Variants in RAB35 observed in about 807,000 individuals in gnomAD.
RAB35 encodes ras-related protein Rab-35.
A neutral mutation model predicts 28.9 loss-of-function variants in RAB35; 4 were observed. That is an observed-to-expected ratio of 0.14 (90% CI 0.07 to 0.32). The LOEUF is 0.32. Ranked by LOEUF, RAB35 falls within the 10% of genes least tolerant of loss-of-function variation. The pLI is 1.00. For synonymous variants in RAB35, 99 were observed against 105.1 expected (o/e 0.94, Z 0.35); for missense variants, 128 against 274.0 (o/e 0.47, Z 3.76).
At chr12:120,101,212 T>C (rs1040282737) in intron 3 of RAB35, among the ~76,000 whole-genome samples, 1 of 152,194 alleles carries the variant, frequency 6.6e-6, no homozygotes, top group Non-Finnish European at 1.5e-5. Flanking sequence ...GGCACAGAGC[T>C]GGGGGCTTGG....
At position 120,103,971 on chromosome 12, in the gene RAB35, C is replaced by T. The variant is rs376309762; in HGVS notation, c.104-22G>A. 6.2e-6 allele frequency: 10 copies of T among 1,612,466 alleles called. No individual in the cohort carries two copies. Among genetic ancestry groups the T allele is most frequent in the African/African-American group, 2.7e-5 (2 of 74,892 alleles). ...CTGCCTGCACACACAGGGCAGTTAA[C>T]GAGGCCCAGCGCGGTATCTTCCCAG... On this transcript the variant is annotated intron_variant, in intron 2 of 5. Transcript: ENST00000229340. The surrounding 1 kb of genome is among the most constrained non-coding windows in gnomAD (Gnocchi z 6.1).
At chr12:120,112,491 C>T (rs903191174) in intron 1 of RAB35, among the ~76,000 whole-genome samples, 1 of 151,610 alleles carries the variant, frequency 6.6e-6, no homozygotes, top group Non-Finnish European at 1.5e-5. Context: ...AGTGCAGCAG[C>T]GTGATCATAG....
chr12:120,101,564 G>C (rs1875658968), intron 3 of RAB35, among the ~76,000 whole-genome samples: 1 of 152,204 alleles, frequency 6.6e-6, no homozygotes, highest in Non-Finnish European at 1.5e-5. Context: ...CATCCTGACT[G>C]CCCTATTCCT....
intron 1 of RAB35, among the ~76,000 whole-genome samples, chr12:120,116,178 C>T (rs898153990): frequency 3.3e-5 from 5 of 152,206 alleles, no homozygotes; most frequent in African/African-American, 1.2e-4. Context: ...ACTTTTCCTA[C>T]TTTATCCCAT....
At chr12:120,113,585 G>A (rs1279074603) in intron 1 of RAB35, among the ~76,000 whole-genome samples, 4 of 152,172 alleles carry the variant, frequency 2.6e-5, no homozygotes, top group Non-Finnish European at 2.9e-5. Context: ...TTGGGAGGCC[G>A]AGGCGGGCGG....
intron 5 of RAB35, among the ~76,000 whole-genome samples, chr12:120,097,879 CTTTTTT>C (rs1043936271): frequency 7.8e-6 from 1 of 127,714 alleles, no homozygotes; most frequent in Non-Finnish European, 1.7e-5. Context: ...CAGCTGGAAT[CTTTTTT>C]TTTTTTTTTT....
chr12:120,115,818 T>C (rs1257808161), intron 1 of RAB35, among the ~76,000 whole-genome samples: 1 of 152,148 alleles, frequency 6.6e-6, no homozygotes, highest in African/African-American at 2.4e-5. Flanking sequence ...TATAGTAGTG[T>C]AACAGCAAAC....
chr12:120,096,904 G>A lies in RAB35; in HGVS notation c.*341C>T, dbSNP rs778888902. On this transcript the variant is annotated 3_prime_UTR_variant, in exon 6 of 6. Transcript: ENST00000229340. ...TGTTGCAGCAGGCTGGCATCAAGAA[G>A]GCAAAAGCCAGAGCAGGACGTGGTG... 7.5e-7 allele frequency: 1 copy of A among 1,326,046 alleles called. No homozygotes were observed. Among genetic ancestry groups the A allele is most frequent in the South Asian group, 1.2e-5 (1 of 81,338 alleles). The allele number at this position is 1,326,046 out of a possible 1,614,324, so 82.1% of individuals were successfully genotyped here.
rs186837728 is a variant in RAB35, at chr12:120,116,387, G to C, written c.52+212C>G. On this transcript the variant is annotated intron_variant, in intron 1 of 5. Transcript: ENST00000229340. ...GAGGCAGGAACAGGCGCGATGACTG[G>C]ACCCGGCGCGCTTGGCCCCTCCGCC... Among the ~76,000 whole-genome samples, 61 of 152,138 alleles carry C rather than the reference G, an allele frequency of 4.0e-4. 1 individual carries two copies. The East Asian group carries it at 0.011, about 28-fold the overall frequency.
chr12:120,096,701 G>T lies in RAB35; in HGVS notation c.*544C>A, dbSNP rs757208967. On this transcript the variant is annotated 3_prime_UTR_variant, in exon 6 of 6. Coordinates refer to ENST00000229340, the MANE Select transcript of RAB35 (RefSeq NM_006861.7). ...GGGAAGGGAGCTGGCACAGGCCCCG[G>T]AGAAGGGGCAAGACCCTGTGCAGCG... is the stretch of plus-strand genomic sequence containing the variant. 7.8e-7 allele frequency: 1 copy of T among 1,289,894 alleles called. No individual in the cohort carries two copies. Among genetic ancestry groups the T allele is most frequent in the South Asian group, 1.2e-5 (1 of 81,030 alleles). 79.9% of individuals were successfully genotyped at this position (1,289,894 alleles called of 1,614,324 possible). A position where few individuals can be genotyped will look rare whatever the true frequency, so the allele number is the denominator to read the frequency against.
chr12:120,116,017 C>T (rs1212108767), intron 1 of RAB35, among the ~76,000 whole-genome samples: 2 of 152,182 alleles, frequency 1.3e-5, no homozygotes, highest in Non-Finnish European at 2.9e-5. Context: ...TCCGACTTAC[C>T]TCATTTAAAC....
chr12:120,097,095 A>C lies in RAB35; in HGVS notation c.*150T>G. ...TCTTGGCACTCGAGGAGGGCGGGGG[A>C]GGAAGTGCCGATGGCACCTCCCGAT... On this transcript the variant is annotated 3_prime_UTR_variant, in exon 6 of 6. Coordinates refer to ENST00000229340, the MANE Select transcript of RAB35 (RefSeq NM_006861.7). 6.3e-7 allele frequency: 1 copy of C among 1,575,562 alleles called. No individual in the cohort carries two copies. The highest frequency in any genetic ancestry group is 8.6e-7 in the Non-Finnish European group (1 of 1,166,468).
At chr12:120,102,334 C>T (rs1049955877) in intron 3 of RAB35, among the ~76,000 whole-genome samples, 1 of 152,240 alleles carries the variant, frequency 6.6e-6, no homozygotes, top group Non-Finnish European at 1.5e-5. Flanking sequence ...GGGCTTGCCT[C>T]GCCTGGGCCT....
chr12:120,101,006 C>CT (rs1875635564), intron 3 of RAB35, among the ~76,000 whole-genome samples: 1 of 152,256 alleles, frequency 6.6e-6, no homozygotes, highest in Non-Finnish European at 1.5e-5. Context: ...GCCATGGCCC[C>CT]GGCGCACAGC....
intron 2 of RAB35, among the ~76,000 whole-genome samples, chr12:120,104,924 G>A (rs1032453271): frequency 9.9e-5 from 15 of 152,206 alleles, no homozygotes; most frequent in African/African-American, 2.2e-4. Flanking sequence ...ACAAGCCACC[G>A]TGCCCGGCCT....
intron 1 of RAB35, among the ~76,000 whole-genome samples, chr12:120,111,757 C>T (rs981736611): frequency 6.6e-6 from 1 of 152,010 alleles, no homozygotes; most frequent in Non-Finnish European, 1.5e-5. Flanking sequence ...CTGACACCAA[C>T]CTCTGACACT....
chr12:120,098,794 G>A lies in RAB35; in HGVS notation c.477+17C>T. On this transcript the variant is annotated intron_variant, in intron 5 of 5. Transcript: ENST00000229340. ...GCCACGGGTGTGTGGCAGAGCCACA[G>A]TGGCCCAGGGCCTCACCTCTTCCAC... 1 of 1,613,902 alleles carries A rather than the reference G, an allele frequency of 6.2e-7. No individual in the cohort carries two copies. The highest frequency in any genetic ancestry group is 2.2e-5 in the East Asian group (1 of 44,874).
At position 120,107,712 on chromosome 12, in the gene RAB35, T is replaced by C. The variant is rs140770300; in HGVS notation, c.103+705A>G. Among the ~76,000 whole-genome samples the C allele has an allele frequency of 4.3e-3, 644 of 151,488 alleles. 3 individuals are homozygous for C. Among genetic ancestry groups the C allele is most frequent in the African/African-American group, 0.013 (557 of 41,324 alleles). On this transcript the variant is annotated intron_variant, in intron 2 of 5. Transcript: ENST00000229340. The stretch of plus-strand genomic sequence containing the variant: ...TGAAACCCCATCTCTATTAAAAATA[T>C]AAAAATTAGTCGGGCGTGGTGGCAG...
chr12:120,104,655 T>TGG lies in RAB35; in HGVS notation c.104-708_104-707dup, dbSNP rs11416731. On this transcript the variant is annotated intron_variant, in intron 2 of 5. Coordinates refer to ENST00000229340, the MANE Select transcript of RAB35 (RefSeq NM_006861.7). ...TGTGGGAAAAATGGATTTTTTTTGG[T>TGG]GGGGGGGGGACAGCGTCTCATTCTG... 3.8e-3 allele frequency among the ~76,000 whole-genome samples: 576 copies of TGG among 150,760 alleles called. 10 individuals are homozygous for TGG. In the South Asian group the frequency reaches 0.06, roughly 16 times the overall value.
Sources: gnomAD v4.1 joint callset for allele counts (sites outside exome capture counted in the v4.1 genomes callset) on GRCh38, gnomAD v4.1.1 for gene constraint, Gnocchi (gnomAD v3.1) non-coding constraint, MANE v1.5 for transcripts, NCBI Gene and HGNC (gene_info 2026-07-23, HGNC 2026-07-21) for gene names.